ACSS1: variants seen among roughly 807,000 people sequenced by gnomAD.
ACSS1 encodes acyl-CoA synthetase short chain family member 1.
A neutral mutation model predicts 75.3 loss-of-function variants in ACSS1; 42 were observed. That is an observed-to-expected ratio of 0.56 (90% CI 0.44 to 0.72). The LOEUF (loss-of-function observed/expected upper bound fraction) is 0.72, where lower values mean the gene tolerates loss of function less well. Among genes scored for constraint, ACSS1 ranks in the 30% least tolerant of loss-of-function variants. The probability of loss-of-function intolerance (pLI) is 0.00; values close to 1 mark genes in which losing one functional copy is unlikely to be tolerated. For synonymous variants in ACSS1, 380 were observed against 376.8 expected, an observed-to-expected ratio of 1.01 and a Z score of -0.10; for missense variants, 782 against 935.7, an observed-to-expected ratio of 0.84 and a Z score of 2.14.
In ACSS1 at chr20:25,007,659, G is replaced by C; in HGVS notation, c.*103C>G. 6.5e-7 allele frequency: 1 copy of C among 1,532,588 alleles called. No individual in the cohort carries two copies. The highest frequency in any genetic ancestry group is 8.7e-7 in the Non-Finnish European group (1 of 1,144,032). The allele number at this position is 1,532,588 out of a possible 1,614,324, so 94.9% of individuals were successfully genotyped here. ...GTGGGTCATGTGTGGGGTGGGGGCT[G>C]CTTCTGGGACGTAGGAAGACGCCAA... On this transcript the variant is annotated 3_prime_UTR_variant, in exon 14 of 14. Transcript: ENST00000323482.
chr20:25,025,529 G>A (rs145445164), intron 3 of ACSS1, among the ~76,000 whole-genome samples: 7 of 152,254 alleles, frequency 4.6e-5, no homozygotes, highest in African/African-American at 9.6e-5. Flanking sequence ...GAGTTCTGTC[G>A]TCTGGACAGG....
chr20:25,057,967 G>C lies in ACSS1; in HGVS notation c.136C>G (p.Pro46Ala). 6.3e-7 allele frequency: 1 copy of C among 1,582,982 alleles called. No individual in the cohort carries two copies. Among genetic ancestry groups the C allele is most frequent in the East Asian group, 2.3e-5 (1 of 42,648 alleles). The change falls in exon 1 of 14, where the codon CCC becomes GCC. Residue 46 changes from proline to alanine, a missense_variant. Coordinates refer to ENST00000323482, the MANE Select transcript of ACSS1 (RefSeq NM_032501.4). ...TGTGCTGCTGCTGCTGCAACTGCGGGAGCGCTGCCCGAGGGTCCCGAGGCC... is the reference window on the plus strand; with the variant it reads ...TGTGCTGCTGCTGCTGCAACTGCGGCAGCGCTGCCCGAGGGTCCCGAGGCC... The part of the protein sequence containing the change: ...RAASGPSGSA[P>A]AVAAAAAQPG...
intron 13 of ACSS1, among the ~76,000 whole-genome samples, chr20:25,008,665 C>T (rs952070862): frequency 6.6e-6 from 1 of 152,160 alleles, no homozygotes; most frequent in Non-Finnish European, 1.5e-5. Context: ...GCCCAATCCT[C>T]CCCTGATTCT....
rs1476382034 is a variant in ACSS1, at chr20:25,007,803, C to T, written c.2029G>A (p.Val677Ile). 6.2e-7 allele frequency: 1 copy of T among 1,614,178 alleles called. No individual in the cohort carries two copies. Among genetic ancestry groups the T allele is most frequent in the South Asian group, 1.1e-5 (1 of 91,080 alleles). ...TGCTTGTCCTTGCACTTCTGGTAGA[C>T]ACTCAGGATCTCTGCGATGATGCTG... ...DPSIIAEILS[V>I]YQKCKDKQAA... The change falls in exon 14 of 14, where the codon GTC (valine) becomes ATC (isoleucine). Residue 677 changes from valine to isoleucine, a missense_variant. This residue lies in a region of ACSS1 where 405 missense variants were observed against 552.6 expected (regional missense o/e 0.73). Coordinates refer to ENST00000323482, the MANE Select transcript of ACSS1 (RefSeq NM_032501.4).
chr20:25,024,377 T>C (rs571916391), intron 3 of ACSS1, among the ~76,000 whole-genome samples: 1 of 152,326 alleles, frequency 6.6e-6, no homozygotes, highest in African/African-American at 2.4e-5. Context: ...TCCTCCACGC[T>C]GTGCCCCAGT....
At chr20:25,035,812 A>G (rs1253091838) in intron 2 of ACSS1, among the ~76,000 whole-genome samples, 1 of 152,242 alleles carries the variant, frequency 6.6e-6, no homozygotes, top group Non-Finnish European at 1.5e-5. Flanking sequence ...TCTTCAAATC[A>G]TTGAAAAATA....
chr20:25,048,288 T>C (rs1194646203), intron 1 of ACSS1, 107 bp from the exon 2 acceptor site: 1 of 853,478 alleles, frequency 1.2e-6, no homozygotes, highest in Non-Finnish European at 1.9e-6. Context: ...CTCTCTCTTC[T>C]TCCACTGACA....
intron 1 of ACSS1, among the ~76,000 whole-genome samples, chr20:25,055,186 GC>G (rs2089225238): frequency 6.6e-6 from 1 of 152,154 alleles, no homozygotes; most frequent in Non-Finnish European, 1.5e-5. Flanking sequence ...TCCCCATCGG[GC>G]CCTGTCCAAA....
rs139887871 is a variant in ACSS1 at position 25,016,078 on chromosome 20, C to T, written c.1247-848G>A. Among the ~76,000 whole-genome samples the T allele has an allele frequency of 2.3e-4, 35 of 152,322 alleles. No individual in the cohort carries two copies. The East Asian group carries it at 6.6e-3, about 29-fold the overall frequency. ...AGGTGGCTAAATACAATATGGCACG[C>T]TCCTGCAGAGGAACGCCACATTGCA... On this transcript the variant is annotated intron_variant, in intron 7 of 13. Transcript: ENST00000323482.
intron 2 of ACSS1, among the ~76,000 whole-genome samples, chr20:25,035,949 A>T (rs927165877): frequency 2.0e-5 from 3 of 152,218 alleles, no homozygotes; most frequent in Non-Finnish European, 4.4e-5. Flanking sequence ...TATCAGAAAG[A>T]TAATGCAGCC....
intron 6 of ACSS1, 118 bp downstream of exon 6, chr20:25,021,271 C>A: frequency 7.4e-7 from 1 of 1,343,380 alleles, no homozygotes. Flanking sequence ...ACCTGGAGAG[C>A]CACACCCTCA....
intron 3 of ACSS1, among the ~76,000 whole-genome samples, chr20:25,027,143 G>A (rs1209040931): frequency 6.6e-6 from 1 of 152,174 alleles, no homozygotes; most frequent in Non-Finnish European, 1.5e-5. Flanking sequence ...AACTCTCTGT[G>A]TCTCAGTTTA....
chr20:25,040,202 C>A (rs1461411391), intron 2 of ACSS1, among the ~76,000 whole-genome samples: 1 of 152,204 alleles, frequency 6.6e-6, no homozygotes, highest in Non-Finnish European at 1.5e-5. Flanking sequence ...GTTTGCACAC[C>A]CCACATGCCC....
rs1600300595 is a variant in ACSS1, at chr20:25,007,235, G to T, written c.*527C>A. The stretch of plus-strand genomic sequence containing the variant: ...TCCTCATGTTTCCTCACCAGTAGAG[G>T]CAAAAAAGGAGATTTTCATAACTAC... On this transcript the variant is annotated 3_prime_UTR_variant, in exon 14 of 14. Transcript: ENST00000323482. The T allele has an allele frequency of 6.9e-6, 8 of 1,160,190 alleles. No individual in the cohort carries two copies. The East Asian group carries it at 3.7e-4, about 54-fold the overall frequency. The allele number at this position is 1,160,190 out of a possible 1,614,324, so 71.9% of individuals were successfully genotyped here. A position where few individuals can be genotyped will look rare whatever the true frequency, so the allele number is the denominator to read the frequency against.
chr20:25,019,994 AG>A lies in ACSS1; in HGVS notation c.1246+15del. The A allele has an allele frequency of 6.2e-7, 1 of 1,614,102 alleles. No homozygotes were observed. The highest frequency in any genetic ancestry group is 8.5e-7 in the Non-Finnish European group (1 of 1,180,004). On this transcript the variant is annotated intron_variant, in intron 7 of 13. Coordinates refer to ENST00000323482, the MANE Select transcript of ACSS1 (RefSeq NM_032501.4). Reference sequence around the variant, plus strand: ...GGGCAAGCACAACCTCTCCTGCTGCAGGGCAGGCCGCTCACCTGACCCCAGG... The same window carrying A: ...GGGCAAGCACAACCTCTCCTGCTGCAGGCAGGCCGCTCACCTGACCCCAGG...
chr20:25,023,444 T>A, intron 4 of ACSS1, 22 bp downstream of exon 4: 1 of 1,613,584 alleles, frequency 6.2e-7, no homozygotes, highest in Non-Finnish European at 8.5e-7. Flanking sequence ...CGCCTCAAAC[T>A]GTGCAAAGCG....
chr20:25,057,885 C>G lies in ACSS1; in HGVS notation c.218G>C (p.Trp73Ser). The stretch of plus-strand genomic sequence containing the variant: ...GAGAGTGTCCCGCGCCAGAGGCCCC[C>G]AGAAGGCGGCCGGCTCCCGGGCTGC... ...AQAAREPAAF[W>S]GPLARDTLVW... Residue 73 changes from tryptophan (W) to serine (S), a missense_variant, in exon 1 of 14, where the codon TGG (tryptophan) becomes TCG (serine). This residue lies in a region of ACSS1 where 377 missense variants were observed against 383.1 expected (regional missense o/e 0.98). Transcript: ENST00000323482. 4 of 1,612,484 alleles carry G rather than the reference C, an allele frequency of 2.5e-6. No individual in the cohort carries two copies. The highest frequency in any genetic ancestry group is 3.4e-6 in the Non-Finnish European group (4 of 1,179,644).
At chr20:25,048,209 T>C (rs1188015238) in intron 1 of ACSS1, 28 bp from the exon 2 acceptor site, 8 of 1,602,672 alleles carry the variant, frequency 5.0e-6, no homozygotes, top group South Asian at 2.2e-5. Flanking sequence ...TTGCGGATGT[T>C]ACACTTGGTG....
At chr20:25,036,555 A>G (rs967289345) in intron 2 of ACSS1, among the ~76,000 whole-genome samples, 1 of 152,072 alleles carries the variant, frequency 6.6e-6, no homozygotes, top group Non-Finnish European at 1.5e-5. Context: ...TTTCAATCAG[A>G]GCTAGTTTTG....
Sources: allele counts gnomAD v4.1 joint callset (sites outside exome capture counted in the v4.1 genomes callset), GRCh38; gene constraint gnomAD v4.1.1; regional missense constraint gnomAD v4.1.1; transcripts MANE v1.5; gene names NCBI Gene and HGNC (gene_info 2026-07-23, HGNC 2026-07-21).